METTL24: variants seen among roughly 807,000 people sequenced by gnomAD.
The protein encoded by METTL24 is probable methyltransferase-like protein 24.
Under a neutral mutation model 32.7 loss-of-function variants are expected in METTL24, and 29 were observed. The observed-to-expected ratio is 0.89, with a 90% CI of 0.66 to 1.21. The LOEUF (loss-of-function observed/expected upper bound fraction) is 1.21. Ranked by LOEUF, METTL24 falls within the 50% of genes most tolerant of loss-of-function variation. The probability of loss-of-function intolerance (pLI) is 0.00; values close to 1 mark genes in which losing one functional copy is unlikely to be tolerated. For synonymous variants in METTL24, 163 were observed against 179.5 expected (o/e 0.91, Z 0.73); for missense variants, 439 against 468.1 (o/e 0.94, Z 0.57).
At chr6:110,318,744 G>C (rs1211512042) in intron 2 of METTL24, among the ~76,000 whole-genome samples, 2 of 151,452 alleles carry the variant, frequency 1.3e-5, no homozygotes. Context: ...ACACCTCATT[G>C]ATAGACATTA....
chr6:110,333,722 G>A (rs375495241), intron 1 of METTL24, among the ~76,000 whole-genome samples: 14 of 152,308 alleles, frequency 9.2e-5, no homozygotes, highest in South Asian at 8.3e-4. Flanking sequence ...GATTACAGGC[G>A]TAAGCCACCA....
chr6:110,337,252 C>A (rs534667637), intron 1 of METTL24, among the ~76,000 whole-genome samples: 1 of 152,210 alleles, frequency 6.6e-6, no homozygotes, highest in South Asian at 2.1e-4. Context: ...GAGGGAAGAG[C>A]AGACACTGGG....
At chr6:110,342,312 T>C (rs1451728876) in intron 1 of METTL24, among the ~76,000 whole-genome samples, 1 of 152,108 alleles carries the variant, frequency 6.6e-6, no homozygotes, top group Non-Finnish European at 1.5e-5. Context: ...GGGAGCACCA[T>C]GAAGTTCACC....
chr6:110,265,094 A>G (rs1407553756), intron 4 of METTL24, among the ~76,000 whole-genome samples: 1 of 151,502 alleles, frequency 6.6e-6, no homozygotes, highest in African/African-American at 2.4e-5. Flanking sequence ...CATGTTGTGC[A>G]TATGTACCCT....
intron 4 of METTL24, among the ~76,000 whole-genome samples, chr6:110,256,332 TG>T (rs1778384160): frequency 6.6e-6 from 1 of 152,234 alleles, no homozygotes; most frequent in African/African-American, 2.4e-5. Context: ...ATATAAGATA[TG>T]AGTCCCAGTG....
At chr6:110,292,344 G>T (rs940996549) in intron 4 of METTL24, among the ~76,000 whole-genome samples, 2 of 152,120 alleles carry the variant, frequency 1.3e-5, no homozygotes, top group African/African-American at 4.8e-5. Flanking sequence ...ATATTCCTGC[G>T]ACTTTTTATC....
At chr6:110,313,310 G>A (rs1469085839) in intron 3 of METTL24, among the ~76,000 whole-genome samples, 1 of 152,116 alleles carries the variant, frequency 6.6e-6, no homozygotes, top group Admixed American at 6.5e-5. Flanking sequence ...TACTATGCAT[G>A]CTACGCATGT....
intron 4 of METTL24, among the ~76,000 whole-genome samples, chr6:110,250,040 C>T (rs1275338440): frequency 6.6e-6 from 1 of 151,998 alleles, no homozygotes. Context: ...GCTTCCTCAT[C>T]ATAGGCACAA....
At chr6:110,253,861 C>T in intron 4 of METTL24, 1 of 1,410,850 alleles carries the variant, frequency 7.1e-7, no homozygotes, top group Non-Finnish European at 9.3e-7. Flanking sequence ...AATAAATTTT[C>T]CTCTAAAATT....
intron 4 of METTL24, among the ~76,000 whole-genome samples, chr6:110,255,625 G>GA (rs749019841): frequency 6.6e-6 from 1 of 152,140 alleles, no homozygotes; most frequent in Non-Finnish European, 1.5e-5. Context: ...CTGGGCAGCT[G>GA]AAAACAAATC....
intron 4 of METTL24, among the ~76,000 whole-genome samples, chr6:110,295,676 C>A (rs1771399582): frequency 6.6e-6 from 1 of 152,120 alleles, no homozygotes. Flanking sequence ...TCTGAAGGAC[C>A]AATTGCCTTT....
chr6:110,279,199 G>C (rs1442094006), intron 4 of METTL24, among the ~76,000 whole-genome samples: 1 of 152,200 alleles, frequency 6.6e-6, no homozygotes, highest in African/African-American at 2.4e-5. Flanking sequence ...GCTGTGAGCT[G>C]CTATGGAAAA....
intron 4 of METTL24, among the ~76,000 whole-genome samples, chr6:110,271,058 C>T (rs1327389008): frequency 2.0e-5 from 3 of 151,228 alleles, no homozygotes; most frequent in African/African-American, 4.9e-5. Context: ...TGGGGTTTTG[C>T]CACATTGGCC....
rs144992452 is a variant in METTL24 at position 110,267,397 on chromosome 6, T to C, written c.787-21137A>G. ...ACACAGAAAGACCAGTACCTATTACTTATATATATCACTCATACGATAACC... is the reference window on the plus strand; with the variant it reads ...ACACAGAAAGACCAGTACCTATTACCTATATATATCACTCATACGATAACC... On this transcript the variant is annotated intron_variant, in intron 4 of 4. Coordinates refer to ENST00000338882, the MANE Select transcript of METTL24 (RefSeq NM_001123364.3). Among the ~76,000 whole-genome samples, 840 of 152,324 alleles carry C rather than the reference T, an allele frequency of 5.5e-3. 15 individuals carry two copies. Among genetic ancestry groups the C allele is most frequent in the African/African-American group, 0.019 (771 of 41,568 alleles).
chr6:110,273,910 A>G (rs1007660416), intron 4 of METTL24, among the ~76,000 whole-genome samples: 2 of 152,274 alleles, frequency 1.3e-5, no homozygotes, highest in African/African-American at 4.8e-5. Flanking sequence ...TATATGAAAA[A>G]GACAGATGCA....
intron 1 of METTL24, among the ~76,000 whole-genome samples, chr6:110,344,668 C>G (rs193039569): frequency 6.6e-6 from 1 of 151,964 alleles, no homozygotes; most frequent in Non-Finnish European, 1.5e-5. Context: ...TTAGTGTTTC[C>G]CAAGCAATGG....
At chr6:110,310,060 A>G (rs1468990138) in intron 3 of METTL24, among the ~76,000 whole-genome samples, 2 of 152,182 alleles carry the variant, frequency 1.3e-5, no homozygotes, top group Admixed American at 6.5e-5. Flanking sequence ...TACACTAGAC[A>G]AACACTCTTC....
intron 4 of METTL24, among the ~76,000 whole-genome samples, chr6:110,281,708 A>C (rs1164207555): frequency 6.6e-6 from 1 of 151,874 alleles, no homozygotes; most frequent in Non-Finnish European, 1.5e-5. Context: ...GTGCAGCAAC[A>C]CCACTTTCAT....
At chr6:110,340,557 C>T (rs1772335943) in intron 1 of METTL24, among the ~76,000 whole-genome samples, 1 of 152,204 alleles carries the variant, frequency 6.6e-6, no homozygotes, top group African/African-American at 2.4e-5. Context: ...GATTCTGACC[C>T]ACTCTTCATG....
Sources: allele counts gnomAD v4.1 joint callset (sites outside exome capture counted in the v4.1 genomes callset), GRCh38; gene constraint gnomAD v4.1.1; transcripts MANE v1.5; gene names NCBI Gene and HGNC (gene_info 2026-07-23, HGNC 2026-07-21).